Variants in STIM1 observed in about 807,000 individuals in gnomAD.
STIM1 encodes stromal interaction molecule 1.
Under a neutral mutation model 74.7 loss-of-function variants are expected in STIM1, and 25 were observed. That is an observed-to-expected ratio of 0.33 (90% CI 0.24 to 0.47). STIM1 has a LOEUF of 0.47. Among genes scored for constraint, STIM1 ranks in the 20% least tolerant of loss-of-function variants. The pLI is 1.00. For missense variants in STIM1, 728 were observed against 920.8 expected, an observed-to-expected ratio of 0.79 and a Z score of 2.71; for synonymous variants, 328 against 348.8, an observed-to-expected ratio of 0.94 and a Z score of 0.66.
chr11:4,093,047 G>A lies in STIM1; in HGVS notation c.*1249G>A, dbSNP rs1057046303. Reference sequence around the variant, plus strand: ...CACTCCCTGCCATACCTTTATCCTGGGATCCTATTTTGGGCCTGGGGTGGG... The same window carrying A: ...CACTCCCTGCCATACCTTTATCCTGAGATCCTATTTTGGGCCTGGGGTGGG... On this transcript the variant is annotated 3_prime_UTR_variant, in exon 13 of 13. Coordinates refer to ENST00000526596, the MANE Select transcript of STIM1 (RefSeq NM_001382567.1). 1 of 152,694 alleles carries A rather than the reference G, an allele frequency of 6.5e-6. No homozygotes were observed. The highest frequency in any genetic ancestry group is 2.4e-5 in the African/African-American group (1 of 41,376). The allele number at this position is 152,694 out of a possible 1,614,324, so 9.5% of individuals were successfully genotyped here.
intron 1 of STIM1, among the ~76,000 whole-genome samples, chr11:3,934,485 T>C (rs1429338807): frequency 6.6e-6 from 1 of 152,174 alleles, no homozygotes; most frequent in African/African-American, 2.4e-5. Flanking sequence ...TTTTATATAG[T>C]CTTATTCACT....
intron 1 of STIM1, among the ~76,000 whole-genome samples, chr11:3,953,217 T>A (rs1195461150): frequency 6.6e-6 from 1 of 152,236 alleles, no homozygotes; most frequent in African/African-American, 2.4e-5. Flanking sequence ...TCTTCTCTAG[T>A]GATTCTTAAA....
chr11:4,086,615 C>T (rs770609149), intron 12 of STIM1, 72 bp downstream of exon 12: 2 of 1,597,888 alleles, frequency 1.3e-6, no homozygotes, highest in African/African-American at 1.3e-5. Flanking sequence ...AGCCTTTCAT[C>T]TGGACAGTCT....
At chr11:3,883,647 C>A (rs972146059) in intron 1 of STIM1, among the ~76,000 whole-genome samples, 2 of 152,236 alleles carry the variant, frequency 1.3e-5, no homozygotes, top group Non-Finnish European at 2.9e-5. Flanking sequence ...GGCACCACAC[C>A]CAGCCAATGG....
At chr11:3,870,524 T>C (rs2091041935) in intron 1 of STIM1, among the ~76,000 whole-genome samples, 1 of 152,112 alleles carries the variant, frequency 6.6e-6, no homozygotes, top group South Asian at 2.1e-4. Flanking sequence ...TGAGACAGGG[T>C]CTCATTCTGT....
At chr11:4,017,722 A>AT (rs2093911868) in intron 2 of STIM1, among the ~76,000 whole-genome samples, 1 of 152,180 alleles carries the variant, frequency 6.6e-6, no homozygotes, top group Non-Finnish European at 1.5e-5. Flanking sequence ...GAAGAACCTG[A>AT]TTAATCAAAC....
At chr11:4,006,028 G>T (rs906415005) in intron 2 of STIM1, among the ~76,000 whole-genome samples, 5 of 152,176 alleles carry the variant, frequency 3.3e-5, no homozygotes, top group African/African-American at 1.2e-4. Flanking sequence ...GGTTTGATAT[G>T]GCTTGGTTCT....
chr11:3,991,842 T>C (rs2093614220), intron 2 of STIM1, among the ~76,000 whole-genome samples: 2 of 147,208 alleles, frequency 1.4e-5, no homozygotes, highest in African/African-American at 5.0e-5. Flanking sequence ...CCCAGCTACT[T>C]GGAAGGCTGA....
chr11:3,988,402 T>C (rs987519640), intron 2 of STIM1, among the ~76,000 whole-genome samples: 13 of 152,208 alleles, frequency 8.5e-5, no homozygotes, highest in African/African-American at 3.1e-4. Context: ...AACATTTCAA[T>C]TTGTACACAA....
At chr11:4,016,496 C>G (rs2093898269) in intron 2 of STIM1, among the ~76,000 whole-genome samples, 1 of 152,216 alleles carries the variant, frequency 6.6e-6, no homozygotes, top group Non-Finnish European at 1.5e-5. Context: ...AGTCAGGCTA[C>G]ACGGGTGTCA....
At chr11:4,046,903 T>A (rs540026335) in intron 3 of STIM1, among the ~76,000 whole-genome samples, 1 of 152,306 alleles carries the variant, frequency 6.6e-6, no homozygotes, top group South Asian at 2.1e-4. Context: ...TCCTCCTGCC[T>A]CAGCCTCCCA....
At chr11:3,944,049 A>G (rs976789730) in intron 1 of STIM1, among the ~76,000 whole-genome samples, 7 of 152,230 alleles carry the variant, frequency 4.6e-5, no homozygotes, top group Non-Finnish European at 7.3e-5. Context: ...AATAGACATC[A>G]ATAGTGAATG....
chr11:3,898,853 C>T (rs1445852281), intron 1 of STIM1, among the ~76,000 whole-genome samples: 2 of 151,152 alleles, frequency 1.3e-5, no homozygotes, highest in African/African-American at 2.4e-5. Context: ...TCTGAGGGCT[C>T]TGTTCTGTTC....
intron 1 of STIM1, among the ~76,000 whole-genome samples, chr11:3,881,533 G>C (rs932628544): frequency 1.3e-5 from 2 of 151,814 alleles, no homozygotes; most frequent in East Asian, 3.9e-4. Flanking sequence ...ACAGCACCCG[G>C]CTAATTTTTT....
chr11:4,063,666 T>C (rs1334171081), intron 5 of STIM1, among the ~76,000 whole-genome samples: 1 of 152,230 alleles, frequency 6.6e-6, no homozygotes, highest in Non-Finnish European at 1.5e-5. Flanking sequence ...GAGGTATGCC[T>C]GAACAGCTTT....
intron 1 of STIM1, among the ~76,000 whole-genome samples, chr11:3,964,815 C>G (rs909804253): frequency 9.2e-5 from 14 of 151,528 alleles, no homozygotes; most frequent in Non-Finnish European, 1.5e-5. Context: ...GCCTCAGCCT[C>G]GTGGCCTCAA....
At chr11:4,086,060 T>C (rs943229618) in intron 11 of STIM1, 1 of 173,774 alleles carries the variant, frequency 5.8e-6, no homozygotes, top group African/African-American at 2.4e-5. Context: ...TAATTATTAA[T>C]AATGATGAAC....
intron 2 of STIM1, among the ~76,000 whole-genome samples, chr11:3,984,027 C>T (rs535109736): frequency 3.9e-5 from 6 of 152,078 alleles, no homozygotes; most frequent in African/African-American, 7.2e-5. Context: ...CCAGCATGCC[C>T]GGCTAATTTT....
intron 3 of STIM1, among the ~76,000 whole-genome samples, chr11:4,030,721 C>T (rs1480849132): frequency 1.3e-5 from 2 of 152,112 alleles, no homozygotes; most frequent in Non-Finnish European, 2.9e-5. Context: ...ACTTTTATCA[C>T]AGTCATTTTA....
Sources: gnomAD v4.1 joint callset for allele counts (sites outside exome capture counted in the v4.1 genomes callset) on GRCh38, gnomAD v4.1.1 for gene constraint, MANE v1.5 for transcripts, NCBI Gene and HGNC (gene_info 2026-07-23, HGNC 2026-07-21) for gene names.